FUT8: variants seen among roughly 807,000 people sequenced by gnomAD.
The protein encoded by FUT8 is fucosyltransferase 8.
Under a neutral mutation model 71.3 loss-of-function variants are expected in FUT8, and 29 were observed. The ratio of observed to expected loss-of-function variants is 0.41; its 90% CI spans 0.30 to 0.55. FUT8 has a LOEUF of 0.55. Among genes scored for constraint, FUT8 ranks in the 20% least tolerant of loss-of-function variants. The probability of loss-of-function intolerance (pLI) is 0.34; values close to 1 mark genes in which losing one functional copy is unlikely to be tolerated. For synonymous variants in FUT8, 254 were observed against 239.3 expected, an observed-to-expected ratio of 1.06 and a Z score of -0.57; for missense variants, 544 against 702.1, an observed-to-expected ratio of 0.77 and a Z score of 2.55.
At chr14:65,656,755 A>C (rs1891701505) in intron 6 of FUT8, among the ~76,000 whole-genome samples, 1 of 152,204 alleles carries the variant, frequency 6.6e-6, no homozygotes, top group Non-Finnish European at 1.5e-5. Flanking sequence ...CCTGACTTCA[A>C]ATTATATACT....
intron 2 of FUT8, among the ~76,000 whole-genome samples, chr14:65,462,941 A>G (rs1463492165): frequency 5.9e-5 from 9 of 152,216 alleles, no homozygotes; most frequent in Non-Finnish European, 8.8e-5. Context: ...GGATTGTCTC[A>G]CCACTTAACT....
chr14:65,592,074 A>G (rs1887721896), intron 3 of FUT8, among the ~76,000 whole-genome samples: 1 of 152,118 alleles, frequency 6.6e-6, no homozygotes, highest in Admixed American at 6.5e-5. Flanking sequence ...TGAGGGATTA[A>G]TTATGAAGAT....
intron 2 of FUT8, among the ~76,000 whole-genome samples, chr14:65,544,483 T>C (rs747971481): frequency 6.6e-6 from 1 of 152,142 alleles, no homozygotes; most frequent in African/African-American, 2.4e-5. Flanking sequence ...AATGGTGATA[T>C]ATATACACAT....
intron 2 of FUT8, among the ~76,000 whole-genome samples, chr14:65,456,292 T>C (rs2065893079): frequency 6.6e-6 from 1 of 152,202 alleles, no homozygotes; most frequent in Non-Finnish European, 1.5e-5. Context: ...TTTCTATCCC[T>C]GTAATTTGCC....
chr14:65,604,354 C>T (rs1888459334), intron 3 of FUT8, among the ~76,000 whole-genome samples: 1 of 151,770 alleles, frequency 6.6e-6, no homozygotes, highest in South Asian at 2.1e-4. Flanking sequence ...TGATAGGCCA[C>T]AAAACAAGTC....
intron 6 of FUT8, among the ~76,000 whole-genome samples, chr14:65,666,766 A>G (rs1477606804): frequency 6.6e-6 from 1 of 152,206 alleles, no homozygotes; most frequent in East Asian, 1.9e-4. Flanking sequence ...ATAGATGCAA[A>G]AATCCTCAAC....
the FUT8 span, among the ~76,000 whole-genome samples, chr14:65,367,125 C>T: frequency 6.6e-6 from 1 of 152,170 alleles, no homozygotes; most frequent in Non-Finnish European, 1.5e-5. Context: ...CTTCTCCTGT[C>T]CCCATCCTGA....
the FUT8 span, among the ~76,000 whole-genome samples, chr14:65,398,473 T>G: frequency 6.6e-6 from 1 of 152,090 alleles, no homozygotes; most frequent in Non-Finnish European, 1.5e-5. Flanking sequence ...TGGTGGCCCA[T>G]GCCTGTAATC....
At chr14:65,406,270 A>G (rs1360893083), upstream of FUT8, among the ~76,000 whole-genome samples, 1 of 152,234 alleles carries the variant, frequency 6.6e-6, no homozygotes, top group Admixed American at 6.5e-5. Flanking sequence ...ATACAACCCC[A>G]TGAGCTAGGG....
intron 6 of FUT8, among the ~76,000 whole-genome samples, chr14:65,646,757 C>T (rs965351831): frequency 6.6e-6 from 1 of 151,984 alleles, no homozygotes; most frequent in Admixed American, 6.6e-5. Flanking sequence ...GGGTAGATTA[C>T]CAAATGAGAA....
chr14:65,543,704 G>T (rs1422230446), intron 2 of FUT8, among the ~76,000 whole-genome samples: 2 of 152,108 alleles, frequency 1.3e-5, no homozygotes, highest in Non-Finnish European at 2.9e-5. Context: ...CCATTTGTCA[G>T]TGATTGAGTT....
intron 3 of FUT8, among the ~76,000 whole-genome samples, chr14:65,611,950 C>T (rs1180395729): frequency 6.6e-6 from 1 of 152,134 alleles, no homozygotes; most frequent in Non-Finnish European, 1.5e-5. Context: ...CGTGAGCCAC[C>T]GCACCTGGCC....
At chr14:65,709,581 A>G (rs192200353) in intron 7 of FUT8, among the ~76,000 whole-genome samples, 5 of 152,306 alleles carry the variant, frequency 3.3e-5, no homozygotes, top group Admixed American at 2.6e-4. Flanking sequence ...TGTGAATTTT[A>G]TACTCCTCAA....
At chr14:65,415,875 TA>T (rs1004618933) in intron 1 of FUT8, among the ~76,000 whole-genome samples, 1 of 152,196 alleles carries the variant, frequency 6.6e-6, no homozygotes, top group African/African-American at 2.4e-5. Flanking sequence ...GCATTTCATT[TA>T]GGTTTCTAAG....
chr14:65,603,031 C>T lies in FUT8; in HGVS notation c.204-12947C>T, dbSNP rs1302450807. Among the ~76,000 whole-genome samples the T allele has an allele frequency of 6.6e-6, 1 of 151,776 alleles. No individual in the cohort carries two copies. On this transcript the variant is annotated intron_variant, in intron 3 of 10. Transcript: ENST00000673929. This position sits in a 1 kb window ranked among gnomAD's most constrained non-coding sequence, Gnocchi z 4.5. ...AAGTCCCACCTGTTTGTTTTTGTTA[C>T]GTTTGCTTTTGAAGTCTTCGCCTAA...
At chr14:65,555,306 T>A (rs1885530344) in intron 2 of FUT8, among the ~76,000 whole-genome samples, 1 of 152,180 alleles carries the variant, frequency 6.6e-6, no homozygotes, top group Non-Finnish European at 1.5e-5. Flanking sequence ...TGTGGTATTT[T>A]TATTGTACCT....
intron 2 of FUT8, among the ~76,000 whole-genome samples, chr14:65,476,990 A>G (rs894644182): frequency 1.3e-5 from 2 of 152,238 alleles, no homozygotes; most frequent in Admixed American, 6.5e-5. Flanking sequence ...AATTAGATTT[A>G]TTCCAAATGT....
intron 6 of FUT8, among the ~76,000 whole-genome samples, chr14:65,648,522 T>C (rs1284494985): frequency 6.6e-6 from 1 of 152,210 alleles, no homozygotes; most frequent in Non-Finnish European, 1.5e-5. Context: ...AATATACCCC[T>C]TGCTATCTTA....
At position 65,467,086 on chromosome 14, in the gene FUT8, G is replaced by A. The variant is rs2066055885; in HGVS notation, c.-228+11368G>A. 6.6e-6 allele frequency among the ~76,000 whole-genome samples: 1 copy of A among 151,638 alleles called. No individual in the cohort carries two copies. The highest frequency in any genetic ancestry group is 2.1e-4 in the South Asian group (1 of 4,804). On this transcript the variant is annotated intron_variant, in intron 2 of 10. Transcript: ENST00000673929. This position sits in a 1 kb window ranked among gnomAD's most constrained non-coding sequence, Gnocchi z 4.1. ...TCCTCTACACTCTTCCTTTCTTTTT[G>A]TAATCCATATTTCTGATCTATATAA... is the stretch of plus-strand genomic sequence containing the variant.
Sources: allele counts gnomAD v4.1 joint callset (sites outside exome capture counted in the v4.1 genomes callset), GRCh38; gene constraint gnomAD v4.1.1; non-coding constraint Gnocchi (gnomAD v3.1); transcripts MANE v1.5; gene names NCBI Gene and HGNC (gene_info 2026-07-23, HGNC 2026-07-21).